SIRPD: variants seen among roughly 807,000 people sequenced by gnomAD.
The protein encoded by SIRPD is signal regulatory protein delta, also known as signal-regulatory protein delta.
In SIRPD, 21 loss-of-function variants were observed where a neutral mutation model predicts 18.0. The observed-to-expected ratio is 1.17, with a 90% CI of 0.83 to 1.68. The LOEUF is 1.68. SIRPD is among the 40% of genes most tolerant of loss of function. The pLI, the probability that SIRPD is intolerant of heterozygous loss-of-function variation, is 0.00. For synonymous variants in SIRPD, 106 were observed against 92.9 expected, an observed-to-expected ratio of 1.14 and a Z score of -0.81; for missense variants, 295 against 238.4, an observed-to-expected ratio of 1.24 and a Z score of -1.56.
At chr20:1,549,787 C>A (rs2091010642) in intron 2 of SIRPD, among the ~76,000 whole-genome samples, 1 of 152,016 alleles carries the variant, frequency 6.6e-6, no homozygotes, top group South Asian at 2.1e-4. Flanking sequence ...ACTCCTTGTG[C>A]TGTTATGCCA....
chr20:1,545,071 T>A (rs2090987861), intron 2 of SIRPD, among the ~76,000 whole-genome samples: 1 of 152,202 alleles, frequency 6.6e-6, no homozygotes, highest in South Asian at 2.1e-4. Context: ...TCAACCTTGG[T>A]GAATCTGGCG....
At chr20:1,535,664 C>T (rs937424534) in intron 3 of SIRPD, among the ~76,000 whole-genome samples, 5 of 152,154 alleles carry the variant, frequency 3.3e-5, no homozygotes, top group Non-Finnish European at 5.9e-5. Flanking sequence ...GCCTTTACAA[C>T]TATAAGAAAT....
chr20:1,541,885 T>C (rs2090972996), intron 2 of SIRPD, among the ~76,000 whole-genome samples: 1 of 152,250 alleles, frequency 6.6e-6, no homozygotes, highest in African/African-American at 2.4e-5. Flanking sequence ...ACACCATTTA[T>C]TAAATAGGGA....
intron 1 of SIRPD, among the ~76,000 whole-genome samples, chr20:1,556,287 T>C (rs1440893032): frequency 6.6e-6 from 1 of 152,162 alleles, no homozygotes; most frequent in African/African-American, 2.4e-5. Context: ...TTCAAGTGAG[T>C]TTTACTAGCT....
At chr20:1,544,003 A>T (rs544726276) in intron 2 of SIRPD, among the ~76,000 whole-genome samples, 3 of 152,064 alleles carry the variant, frequency 2.0e-5, no homozygotes, top group Non-Finnish European at 4.4e-5. Context: ...ATTCTTTTGC[A>T]TTTGCTGAGG....
Position 1,534,296 on chromosome 20 carries a change from A to G in SIRPD, c.*129T>C. On this transcript the variant is annotated 3_prime_UTR_variant, in exon 4 of 4. Coordinates refer to ENST00000381623, the MANE Select transcript of SIRPD (RefSeq NM_178460.3). ...AGATTTATTGTACGATCAAGCTGGC[A>G]TTTTATGTCAGTGGAAGAAAGCTCT... The G allele has an allele frequency of 7.8e-7, 1 of 1,288,974 alleles. No individual in the cohort carries two copies. Among genetic ancestry groups the G allele is most frequent in the South Asian group, 1.3e-5 (1 of 77,308 alleles). The allele number at this position is 1,288,974 out of a possible 1,614,324, so 79.8% of individuals were successfully genotyped here.
intron 2 of SIRPD, among the ~76,000 whole-genome samples, chr20:1,548,931 T>C (rs1490581664): frequency 1.3e-5 from 2 of 152,174 alleles, no homozygotes; most frequent in East Asian, 3.8e-4. Context: ...TGCTGTTTTC[T>C]CTTTCTCCTC....
rs1482288640 is a variant in SIRPD, at chr20:1,537,281, G to T, written c.451C>A (p.Pro151Thr). Residue 151 changes from proline to threonine, a missense_variant, in exon 3 of 4, where the codon CCT (proline) becomes ACT (threonine). By Grantham distance (38) the Pro-to-Thr change is conservative. Coordinates refer to ENST00000381623, the MANE Select transcript of SIRPD (RefSeq NM_178460.3). ...EQNPRPPKNRPAGRAGSRAHH... is the reference protein window; with the variant it reads ...EQNPRPPKNRTAGRAGSRAHH... The stretch of plus-strand genomic sequence containing the variant: ...GCCCTGGAGCCTGCTCTGCCTGCAG[G>T]TCTGTTCTTGGGAGGTCTTGGATTC... The T allele has an allele frequency of 6.2e-7, 1 of 1,614,174 alleles. No individual in the cohort carries two copies.
intron 2 of SIRPD, among the ~76,000 whole-genome samples, chr20:1,539,029 A>G (rs1319172464): frequency 6.6e-6 from 1 of 152,176 alleles, no homozygotes; most frequent in African/African-American, 2.4e-5. Flanking sequence ...ACCACACTAA[A>G]ATTAAACCTT....
intron 2 of SIRPD, among the ~76,000 whole-genome samples, chr20:1,546,467 C>A (rs746863114): frequency 1.3e-5 from 2 of 152,234 alleles, no homozygotes; most frequent in Non-Finnish European, 2.9e-5. Context: ...ATGTATAGAT[C>A]ATACCTTGCT....
intron 2 of SIRPD, among the ~76,000 whole-genome samples, chr20:1,537,874 T>A (rs1319945435): frequency 2.0e-5 from 3 of 152,086 alleles, no homozygotes; most frequent in Non-Finnish European, 4.4e-5. Flanking sequence ...AAGAAGCCTG[T>A]GTGTGTCAAG....
intron 2 of SIRPD, among the ~76,000 whole-genome samples, chr20:1,544,358 T>C (rs1429091954): frequency 6.6e-6 from 1 of 151,968 alleles, no homozygotes; most frequent in African/African-American, 2.4e-5. Context: ...CCTTTACCAT[T>C]ATGCAATGCC....
intron 2 of SIRPD, among the ~76,000 whole-genome samples, chr20:1,538,179 C>T (rs547208482): frequency 1.0e-3 from 152 of 152,280 alleles, no homozygotes; most frequent in African/African-American, 3.5e-3. Context: ...CCACTGCTCC[C>T]CACCCCTGCC....
intron 2 of SIRPD, among the ~76,000 whole-genome samples, chr20:1,547,536 C>A (rs1384856865): frequency 6.6e-6 from 1 of 152,174 alleles, no homozygotes; most frequent in Non-Finnish European, 1.5e-5. Flanking sequence ...GGATTACAGG[C>A]GTGAGCCATT....
chr20:1,541,125 A>C (rs1432617467), intron 2 of SIRPD, among the ~76,000 whole-genome samples: 1 of 152,204 alleles, frequency 6.6e-6, no homozygotes, highest in Non-Finnish European at 1.5e-5. Flanking sequence ...TTATAGTAGA[A>C]TGATTATAAT....
rs1232234947 is a variant in SIRPD, at chr20:1,544,682, C to T, written c.421+7009G>A. ...ATTATGATGCTAGCTGGTTATGTTG[C>T]CCATTAGTTGATGCAGTTTCTTCAT... On this transcript the variant is annotated intron_variant, in intron 2 of 3. Coordinates refer to ENST00000381623, the MANE Select transcript of SIRPD (RefSeq NM_178460.3). Among the ~76,000 whole-genome samples, 8 of 152,062 alleles carry T rather than the reference C, an allele frequency of 5.3e-5. 1 individual carries two copies. Among genetic ancestry groups the T allele is most frequent in the African/African-American group, 1.7e-4 (7 of 41,392 alleles).
chr20:1,548,930 C>T (rs1267060280), intron 2 of SIRPD, among the ~76,000 whole-genome samples: 2 of 151,708 alleles, frequency 1.3e-5, no homozygotes, highest in African/African-American at 4.8e-5. Context: ...CTGCTGTTTT[C>T]TCTTTCTCCT....
chr20:1,553,116 G>C (rs1450820659), intron 1 of SIRPD, among the ~76,000 whole-genome samples: 2 of 152,212 alleles, frequency 1.3e-5, no homozygotes, highest in African/African-American at 4.8e-5. Context: ...GAAAGTTCAA[G>C]TGTCAGGGAA....
intron 1 of SIRPD, chr20:1,553,849 T>G (rs1229076671): frequency 2.6e-5 from 4 of 152,534 alleles, no homozygotes; most frequent in Non-Finnish European, 5.9e-5. Context: ...TAAAGGAGCA[T>G]GGTGTTCAGT....
Sources: gnomAD v4.1 joint callset for allele counts (sites outside exome capture counted in the v4.1 genomes callset) on GRCh38, gnomAD v4.1.1 for gene constraint, MANE v1.5 for transcripts, NCBI Gene and HGNC (gene_info 2026-07-23, HGNC 2026-07-21) for gene names.